Variants in ALDH2 observed in about 807,000 individuals in gnomAD.
ALDH2 encodes the protein aldehyde dehydrogenase, mitochondrial.
A neutral mutation model predicts 59.6 loss-of-function variants in ALDH2; 44 were observed. The ratio of observed to expected loss-of-function variants is 0.74; its 90% CI spans 0.58 to 0.95. ALDH2 has a LOEUF of 0.95. ALDH2 is among the 40% of genes least tolerant of loss of function. The pLI is 0.00. For synonymous variants in ALDH2, 291 were observed against 284.0 expected, an observed-to-expected ratio of 1.02 and a Z score of -0.25; for missense variants, 570 against 696.3, an observed-to-expected ratio of 0.82 and a Z score of 2.04.
chr12:111,806,272 G>A (rs1038841519), intron 12 of ALDH2, among the ~76,000 whole-genome samples: 7 of 151,146 alleles, frequency 4.6e-5, no homozygotes, highest in South Asian at 2.1e-4. Flanking sequence ...AGCCAAGATC[G>A]CACCACTGCA....
chr12:111,794,131 G>T (rs1358309026), intron 9 of ALDH2, among the ~76,000 whole-genome samples: 1 of 147,972 alleles, frequency 6.8e-6, no homozygotes, highest in Non-Finnish European at 1.5e-5. Context: ...TGATTCTCCT[G>T]CCCCAGCCTC....
chr12:111,790,122 G>A (rs986244307), intron 5 of ALDH2, among the ~76,000 whole-genome samples, 188 bp downstream of exon 5: 1 of 152,204 alleles, frequency 6.6e-6, no homozygotes, highest in African/African-American at 2.4e-5. Flanking sequence ...CCTTGGGCAA[G>A]TCACTTATCC....
intron 5 of ALDH2, 30 bp downstream of exon 5, chr12:111,789,964 G>A: frequency 6.2e-7 from 1 of 1,602,420 alleles, no homozygotes; most frequent in East Asian, 2.2e-5. Flanking sequence ...AGTTTCTTCA[G>A]GGTGCCCTGA....
chr12:111,801,776 C>T (rs976972543), intron 11 of ALDH2, among the ~76,000 whole-genome samples: 2 of 151,264 alleles, frequency 1.3e-5, no homozygotes, highest in East Asian at 1.9e-4. Flanking sequence ...CTAGAATAGG[C>T]GAATCCATAG....
chr12:111,803,234 A>G (rs1038044255), intron 11 of ALDH2, among the ~76,000 whole-genome samples: 25 of 150,792 alleles, frequency 1.7e-4, no homozygotes, highest in African/African-American at 1.9e-4. Flanking sequence ...AAATAAATAA[A>G]TGGTAAATTT....
At chr12:111,784,727 G>A (rs1009441997) in intron 3 of ALDH2, among the ~76,000 whole-genome samples, 1 of 152,086 alleles carries the variant, frequency 6.6e-6, no homozygotes, top group Admixed American at 6.6e-5. Flanking sequence ...CAATTCTCCT[G>A]CCTCAGCCTC....
chr12:111,809,603 A>T lies in ALDH2; in HGVS notation c.*28A>T, dbSNP rs1200858658. 1.2e-6 allele frequency: 2 copies of T among 1,613,202 alleles called. No homozygotes were observed. Among genetic ancestry groups the T allele is most frequent in the Non-Finnish European group, 8.5e-7 (1 of 1,179,290 alleles). ...ATCATGCAAGCTTCCTCCCTCAGCCATTGATGGAAAGTTCAGCAAGATCAG... is the reference window on the plus strand; with the variant it reads ...ATCATGCAAGCTTCCTCCCTCAGCCTTTGATGGAAAGTTCAGCAAGATCAG... On this transcript the variant is annotated 3_prime_UTR_variant, in exon 13 of 13. Transcript: ENST00000261733.
chr12:111,783,411 A>T, intron 3 of ALDH2, 113 bp downstream of exon 3: 2 of 1,326,774 alleles, frequency 1.5e-6, no homozygotes, highest in Non-Finnish European at 2.0e-6. Flanking sequence ...CACACATCTG[A>T]CACGGGACTG....
intron 1 of ALDH2, among the ~76,000 whole-genome samples, chr12:111,769,695 G>C (rs76126169): frequency 0.016 from 2,368 of 151,906 alleles, 70 homozygotes; most frequent in African/African-American, 0.054. Flanking sequence ...CCCTTTCCAA[G>C]GACCACAGAG....
chr12:111,780,616 A>AC (rs962963979), intron 1 of ALDH2, among the ~76,000 whole-genome samples: 7 of 150,800 alleles, frequency 4.6e-5, no homozygotes, highest in African/African-American at 1.7e-4. Flanking sequence ...GGAGTTCTCT[A>AC]CCCCCCACCT....
At chr12:111,782,079 T>G (rs1007726099) in intron 2 of ALDH2, 57 bp downstream of exon 2, 56 of 1,359,134 alleles carry the variant, frequency 4.1e-5, no homozygotes, top group Non-Finnish European at 5.4e-5. Flanking sequence ...ATTTTATACG[T>G]TTTTGTGTGG....
At chr12:111,770,359 G>A (rs1024566938) in intron 1 of ALDH2, among the ~76,000 whole-genome samples, 1 of 152,182 alleles carries the variant, frequency 6.6e-6, no homozygotes, top group Non-Finnish European at 1.5e-5. Flanking sequence ...TATGGATGCT[G>A]TTGTATTTGC....
intron 12 of ALDH2, among the ~76,000 whole-genome samples, chr12:111,808,933 A>T (rs1189155454): frequency 1.3e-5 from 2 of 152,112 alleles, no homozygotes; most frequent in African/African-American, 4.8e-5. Context: ...GGAATCAAAG[A>T]TGGCACCCAG....
intron 9 of ALDH2, 92 bp from the exon 10 acceptor site, chr12:111,797,986 C>G: frequency 6.8e-7 from 1 of 1,476,386 alleles, no homozygotes; most frequent in Non-Finnish European, 9.4e-7. Context: ...GTCCATTTCC[C>G]AGTTGTCTTG....
chr12:111,790,701 C>A, intron 6 of ALDH2, 139 bp downstream of exon 6: 1 of 1,155,954 alleles, frequency 8.7e-7, no homozygotes, highest in Non-Finnish European at 1.2e-6. Flanking sequence ...ACCAGAGTGG[C>A]TCCCTCTTAG....
At position 111,809,656 on chromosome 12, in the gene ALDH2, C is replaced by G. The variant is rs755554206; in HGVS notation, c.*81C>G. On this transcript the variant is annotated 3_prime_UTR_variant, in exon 13 of 13. Coordinates refer to ENST00000261733, the MANE Select transcript of ALDH2 (RefSeq NM_000690.4). ...ACAAAACCAAGAAAAATGATCCTTG[C>G]GTGCTGAATATCTGAAAAGAGAAAT... The G allele has an allele frequency of 2.0e-5, 29 of 1,481,948 alleles. No homozygotes were observed. The highest frequency in any genetic ancestry group is 2.7e-5 in the Non-Finnish European group (29 of 1,067,498). 91.8% of individuals were successfully genotyped at this position (1,481,948 alleles called of 1,614,324 possible).
At chr12:111,798,332 T>C in intron 10 of ALDH2, 90 bp downstream of exon 10, 1 of 1,412,764 alleles carries the variant, frequency 7.1e-7, no homozygotes, top group East Asian at 2.5e-5. Flanking sequence ...GTCACCCATC[T>C]GCTGGCTTGG....
intron 3 of ALDH2, among the ~76,000 whole-genome samples, chr12:111,783,666 C>T (rs1352935215): frequency 6.6e-6 from 1 of 152,156 alleles, no homozygotes; most frequent in Admixed American, 6.5e-5. Context: ...CAAGCCACCA[C>T]GCACAGCTAA....
chr12:111,777,012 G>A (rs1198913853), intron 1 of ALDH2, among the ~76,000 whole-genome samples: 1 of 152,174 alleles, frequency 6.6e-6, no homozygotes, highest in Non-Finnish European at 1.5e-5. Context: ...ATCAACGTGT[G>A]TTGAGTCAGT....
Sources: allele counts gnomAD v4.1 joint callset (sites outside exome capture counted in the v4.1 genomes callset), GRCh38; gene constraint gnomAD v4.1.1; transcripts MANE v1.5; gene names NCBI Gene and HGNC (gene_info 2026-07-23, HGNC 2026-07-21).